FBN1: variants seen among roughly 807,000 people sequenced by gnomAD.
FBN1 encodes the protein fibrillin 1.
A neutral mutation model predicts 365.1 loss-of-function variants in FBN1; 29 were observed. The ratio of observed to expected loss-of-function variants is 0.08; its 90% CI spans 0.06 to 0.11. FBN1 has a LOEUF of 0.11. Ranked by LOEUF, FBN1 falls within the 10% of genes least tolerant of loss-of-function variation. The probability of loss-of-function intolerance (pLI) is 1.00; values close to 1 mark genes in which losing one functional copy is unlikely to be tolerated. For synonymous variants in FBN1, 1,210 were observed against 1,270.5 expected (o/e 0.95, Z 1.01); for missense variants, 2,476 against 3,703.2 (o/e 0.67, Z 8.60).
At chr15:48,418,276 G>C (rs900467005) in intron 63 of FBN1, among the ~76,000 whole-genome samples, 6 of 152,150 alleles carry the variant, frequency 3.9e-5, no homozygotes, top group African/African-American at 1.4e-4. Context: ...AAGAGAGAAG[G>C]CTAGATCTCT....
At chr15:48,424,414 C>G (rs35134053) in intron 60 of FBN1, among the ~76,000 whole-genome samples, 4 of 152,144 alleles carry the variant, frequency 2.6e-5, no homozygotes, top group Admixed American at 2.6e-4. Context: ...CTGGATCCTC[C>G]GTGGGGATGT....
intron 2 of FBN1, among the ~76,000 whole-genome samples, chr15:48,630,045 C>G (rs1348814223): frequency 3.3e-5 from 5 of 152,208 alleles, no homozygotes; most frequent in Non-Finnish European, 1.5e-5. Context: ...AATAAGGTTA[C>G]AGTTCACTAG....
chr15:48,411,182 T>C lies in FBN1; in HGVS notation c.8424A>G (p.Gln2808=). 4 of 1,614,176 alleles carry C rather than the reference T, an allele frequency of 2.5e-6. No individual in the cohort carries two copies. Among genetic ancestry groups the C allele is most frequent in the Non-Finnish European group, 3.4e-6 (4 of 1,180,008 alleles). ...GNEDGFFKIN[Q]KEGISYLHFT... ...AGTGGAGGTAGCTGATCCCTTCCTT[T>C]TGGTTGATTTTAAAGAAGCCATCTT... Residue 2808 remains glutamine, a synonymous_variant, in exon 66 of 66, where the codon CAA becomes CAG. Coordinates refer to ENST00000316623, the MANE Select transcript of FBN1 (RefSeq NM_000138.5).
intron 6 of FBN1, among the ~76,000 whole-genome samples, chr15:48,570,501 T>C (rs1305971243): frequency 2.0e-5 from 3 of 151,434 alleles, no homozygotes; most frequent in Non-Finnish European, 4.4e-5. Flanking sequence ...TGAAATGAGA[T>C]ACTCACGTAA....
chr15:48,623,125 G>A (rs1272996802), intron 2 of FBN1, among the ~76,000 whole-genome samples: 1 of 152,130 alleles, frequency 6.6e-6, no homozygotes, highest in Non-Finnish European at 1.5e-5. Flanking sequence ...AGACTATCCT[G>A]GAGTCTATTT....
At chr15:48,562,925 T>C (rs761668655) in intron 6 of FBN1, among the ~76,000 whole-genome samples, 4 of 152,188 alleles carry the variant, frequency 2.6e-5, no homozygotes, top group African/African-American at 4.8e-5. Flanking sequence ...TTTATTTAAA[T>C]GAAGAGATTG....
intron 4 of FBN1, 48 bp downstream of exon 4, chr15:48,610,680 G>A (rs200847035): frequency 7.2e-7 from 1 of 1,390,538 alleles, no homozygotes; most frequent in East Asian, 2.4e-5. Flanking sequence ...AGAAAATGGG[G>A]TATAACCACA....
At chr15:48,568,471 T>C (rs563520787) in intron 6 of FBN1, among the ~76,000 whole-genome samples, 1 of 152,186 alleles carries the variant, frequency 6.6e-6, no homozygotes, top group East Asian at 1.9e-4. Flanking sequence ...TTTATCAAAA[T>C]CTCAATGCAA....
chr15:48,468,287 A>C, intron 37 of FBN1, 125 bp downstream of exon 37: 1 of 1,383,754 alleles, frequency 7.2e-7, no homozygotes, highest in Admixed American at 1.8e-5. Flanking sequence ...AATCTAAAGT[A>C]GAGTTAGGAA....
chr15:48,622,133 C>G (rs1254944392), intron 2 of FBN1, among the ~76,000 whole-genome samples: 2 of 152,144 alleles, frequency 1.3e-5, no homozygotes, highest in Non-Finnish European at 2.9e-5. Flanking sequence ...TAAAACCGTT[C>G]TAAAGTGAAA....
At chr15:48,428,958 C>T (rs2043004286) in intron 56 of FBN1, among the ~76,000 whole-genome samples, 1 of 152,190 alleles carries the variant, frequency 6.6e-6, no homozygotes. Flanking sequence ...GGGCCGATTT[C>T]TAATGTATCC....
At chr15:48,561,793 T>C (rs909789342) in intron 6 of FBN1, among the ~76,000 whole-genome samples, 1 of 152,204 alleles carries the variant, frequency 6.6e-6, no homozygotes, top group Non-Finnish European at 1.5e-5. Flanking sequence ...AAATGGTTTA[T>C]ACTGTCAATA....
intron 9 of FBN1, among the ~76,000 whole-genome samples, chr15:48,521,729 AAC>A (rs1194988832): frequency 6.6e-6 from 1 of 152,232 alleles, no homozygotes; most frequent in African/African-American, 2.4e-5. Context: ...CAAAATGCAA[AAC>A]ACTTTTACTG....
intron 10 of FBN1, among the ~76,000 whole-genome samples, chr15:48,518,448 T>TGTAG (rs2043823099): frequency 6.6e-6 from 1 of 152,270 alleles, no homozygotes; most frequent in Admixed American, 6.5e-5. Context: ...TCCAAGCATT[T>TGTAG]GTAGGTACCA....
chr15:48,557,718 G>C (rs2044192229), intron 6 of FBN1, among the ~76,000 whole-genome samples: 2 of 152,162 alleles, frequency 1.3e-5, no homozygotes, highest in Admixed American at 6.5e-5. Context: ...AAGGATGACT[G>C]GGTGTTCCTC....
At position 48,495,277 on chromosome 15, in the gene FBN1, A is replaced by G; in HGVS notation, c.2540-17T>C. On this transcript the variant is annotated splice_polypyrimidine_tract_variant and intron_variant, in intron 21 of 65. Transcript: ENST00000316623. ...TGATGGTTTCTGCAGAGGAGGGAAT[A>G]ATATTTAATAGAATCTATATAAAAA... 1 of 1,613,240 alleles carries G rather than the reference A, an allele frequency of 6.2e-7. No individual in the cohort carries two copies. Among genetic ancestry groups the G allele is most frequent in the African/African-American group, 1.3e-5 (1 of 75,036 alleles).
intron 19 of FBN1, 118 bp downstream of exon 19, chr15:48,497,148 A>T: frequency 8.7e-7 from 1 of 1,148,634 alleles, no homozygotes; most frequent in Non-Finnish European, 1.3e-6. Flanking sequence ...TAACATCCGA[A>T]GTATAAAGTG....
At chr15:48,545,865 T>A (rs1033124469) in intron 6 of FBN1, among the ~76,000 whole-genome samples, 6 of 151,770 alleles carry the variant, frequency 4.0e-5, no homozygotes, top group African/African-American at 1.5e-4. Context: ...TTACAAAAAA[T>A]ACACAAAAAT....
chr15:48,615,861 A>G (rs911616206), intron 2 of FBN1, among the ~76,000 whole-genome samples: 2 of 152,216 alleles, frequency 1.3e-5, no homozygotes, highest in African/African-American at 4.8e-5. Context: ...AGGTACAAAC[A>G]TGGTAGATGG....
Sources: gnomAD v4.1 joint callset for allele counts (sites outside exome capture counted in the v4.1 genomes callset) on GRCh38, gnomAD v4.1.1 for gene constraint, MANE v1.5 for transcripts, NCBI Gene and HGNC (gene_info 2026-07-23, HGNC 2026-07-21) for gene names.